Variants in ZNF407 observed in about 807,000 individuals in gnomAD.
The protein encoded by ZNF407 is zinc finger protein 407.
Under a neutral mutation model 131.2 loss-of-function variants are expected in ZNF407, and 17 were observed. That is an observed-to-expected ratio of 0.13 (90% CI 0.09 to 0.19). ZNF407 has a LOEUF of 0.19. Ranked by LOEUF, ZNF407 falls within the 10% of genes least tolerant of loss-of-function variation. The probability of loss-of-function intolerance (pLI) is 1.00; values close to 1 mark genes in which losing one functional copy is unlikely to be tolerated. For synonymous variants in ZNF407, 1,156 were observed against 1,062.0 expected (o/e 1.09, Z -1.72); for missense variants, 2,681 against 2,830.6 (o/e 0.95, Z 1.20).
chr18:74,714,239 G>C (rs1050195687), intron 3 of ZNF407, among the ~76,000 whole-genome samples: 1 of 152,146 alleles, frequency 6.6e-6, no homozygotes, highest in African/African-American at 2.4e-5. Flanking sequence ...AAATTAACTT[G>C]TCATACACCA....
rs1219383505 is a variant in ZNF407, at chr18:75,064,382, A to G, written c.6661A>G (p.Ser2221Gly). Residue 2221 changes from serine to glycine, a missense_variant, in exon 9 of 9, where the codon AGC (serine) becomes GGC (glycine). Ser to Gly is a moderately conservative substitution (Grantham distance 56, BLOSUM62 0). This residue lies in a region of ZNF407 where 620 missense variants were observed against 583.1 expected (regional missense o/e 1.06). Coordinates refer to ENST00000299687, the MANE Select transcript of ZNF407 (RefSeq NM_017757.3). ...GAPSRAEQLASVVIYTQEGSS... is the reference protein window; with the variant it reads ...GAPSRAEQLAGVVIYTQEGSS... ...CCCAAGCAGGGCAGAGCAGCTGGCC[A>G]GCGTGGTCATCTACACCCAGGAGGG... The G allele has an allele frequency of 6.4e-7, 1 of 1,570,594 alleles. No individual in the cohort carries two copies. Among genetic ancestry groups the G allele is most frequent in the African/African-American group, 1.4e-5 (1 of 73,988 alleles).
Position 74,619,489 on chromosome 18 carries a change from A to C in ZNF407, c.-53-11478A>C, listed in dbSNP as rs1031547332. ...GCTTTATCCTCTTGCCTTTTGAAAA[A>C]GATGAAAGGAAAATTTAAGGAACAT... On this transcript the variant is annotated intron_variant, in intron 1 of 8. Coordinates refer to ENST00000299687, the MANE Select transcript of ZNF407 (RefSeq NM_017757.3). Among the ~76,000 whole-genome samples, 294 of 152,294 alleles carry C rather than the reference A, an allele frequency of 1.9e-3. 1 individual carries two copies. Among genetic ancestry groups the C allele is most frequent in the Middle Eastern group, 0.017 (5 of 294 alleles).
At chr18:75,059,842 C>T (rs987060170) in intron 8 of ZNF407, among the ~76,000 whole-genome samples, 7 of 152,172 alleles carry the variant, frequency 4.6e-5, no homozygotes, top group African/African-American at 1.7e-4. Flanking sequence ...GGCCCCTGCC[C>T]GTGGGACCTG....
chr18:74,904,333 T>C (rs1461897784), intron 7 of ZNF407, among the ~76,000 whole-genome samples: 1 of 152,238 alleles, frequency 6.6e-6, no homozygotes, highest in Non-Finnish European at 1.5e-5. Context: ...ATACCAGCAA[T>C]GTATCAGTAT....
At chr18:75,027,965 A>C (rs1480234298) in intron 8 of ZNF407, among the ~76,000 whole-genome samples, 1 of 152,214 alleles carries the variant, frequency 6.6e-6, no homozygotes, top group Admixed American at 6.5e-5. Flanking sequence ...GTGCCGTGGC[A>C]ATGGTAATGT....
chr18:74,741,578 A>G (rs1968551118), intron 3 of ZNF407, among the ~76,000 whole-genome samples: 1 of 152,208 alleles, frequency 6.6e-6, no homozygotes, highest in Non-Finnish European at 1.5e-5. Flanking sequence ...AGATTAACCA[A>G]AAAAGAATAA....
intron 7 of ZNF407, among the ~76,000 whole-genome samples, chr18:74,917,321 A>G (rs948578909): frequency 1.3e-5 from 2 of 152,214 alleles, no homozygotes; most frequent in Non-Finnish European, 2.9e-5. Flanking sequence ...AATTACAAAT[A>G]TACATACACA....
intron 7 of ZNF407, among the ~76,000 whole-genome samples, chr18:74,901,667 A>G (rs1300793224): frequency 1.0e-5 from 1 of 96,116 alleles, no homozygotes; most frequent in Non-Finnish European, 2.1e-5. Flanking sequence ...CAATATCAGC[A>G]TATATATATT....
At chr18:74,933,836 G>A (rs1972010081) in intron 8 of ZNF407, among the ~76,000 whole-genome samples, 1 of 152,146 alleles carries the variant, frequency 6.6e-6, no homozygotes. Context: ...TCCATTTAAT[G>A]AGGCAAAATG....
intron 3 of ZNF407, among the ~76,000 whole-genome samples, chr18:74,670,198 C>T (rs1986087753): frequency 6.6e-6 from 1 of 152,136 alleles, no homozygotes; most frequent in Non-Finnish European, 1.5e-5. Context: ...AGATTTTTTC[C>T]AACACAAAGA....
chr18:74,964,657 T>A (rs572654293), intron 8 of ZNF407, among the ~76,000 whole-genome samples: 2 of 152,032 alleles, frequency 1.3e-5, no homozygotes, highest in Admixed American at 1.3e-4. Context: ...TTTTTCTTTT[T>A]CATTTCCTGG....
intron 3 of ZNF407, among the ~76,000 whole-genome samples, chr18:74,768,780 C>T (rs534283077): frequency 7.4e-4 from 113 of 152,184 alleles, no homozygotes; most frequent in African/African-American, 2.3e-3. Context: ...TTCAATAATC[C>T]GCATTAAACA....
At chr18:74,850,554 C>T (rs62089909) in intron 4 of ZNF407, among the ~76,000 whole-genome samples, 145 of 152,242 alleles carry the variant, frequency 9.5e-4, no homozygotes, top group Non-Finnish European at 1.7e-3. Context: ...ATGAATTCAA[C>T]GAATATTTTT....
intron 8 of ZNF407, among the ~76,000 whole-genome samples, chr18:75,051,449 A>G (rs187901762): frequency 3.0e-4 from 46 of 152,328 alleles, no homozygotes; most frequent in African/African-American, 1.1e-3. Flanking sequence ...ACTAAGTGAA[A>G]TAGATCATTG....
Position 74,722,055 on chromosome 18 carries a change from T to C in ZNF407, c.4803-59373T>C, listed in dbSNP as rs930222916. ...TGTTGCTTGTAGGATTTTCTCACTG[T>C]CTTTGTCTGTTTTTTTTTTCAGCAG... On this transcript the variant is annotated intron_variant, in intron 3 of 8. Transcript: ENST00000299687. 6.2e-4 allele frequency among the ~76,000 whole-genome samples: 94 copies of C among 150,926 alleles called. 1 individual carries two copies. Among genetic ancestry groups the C allele is most frequent in the East Asian group, 5.8e-4 (3 of 5,174 alleles).
At chr18:74,618,429 T>C (rs1394276901) in intron 1 of ZNF407, among the ~76,000 whole-genome samples, 1 of 152,202 alleles carries the variant, frequency 6.6e-6, no homozygotes, top group Admixed American at 6.5e-5. Flanking sequence ...TAGGTAACTT[T>C]CTTGGTGCAG....
At chr18:74,836,849 C>T (rs1299581567) in intron 4 of ZNF407, among the ~76,000 whole-genome samples, 1 of 152,184 alleles carries the variant, frequency 6.6e-6, no homozygotes, top group East Asian at 1.9e-4. Context: ...GAGTAACTTG[C>T]TCAGAGCCAC....
chr18:74,874,174 A>G (rs1310308008), intron 4 of ZNF407, among the ~76,000 whole-genome samples: 1 of 152,016 alleles, frequency 6.6e-6, no homozygotes, highest in African/African-American at 2.4e-5. Flanking sequence ...CTGGGCTTCA[A>G]TTTTCTGGGC....
intron 8 of ZNF407, among the ~76,000 whole-genome samples, chr18:74,983,525 T>C (rs905589194): frequency 5.9e-5 from 9 of 152,368 alleles, no homozygotes; most frequent in Admixed American, 5.2e-4. Context: ...AATTAGTGGC[T>C]AGTATTGTTG....
Sources: allele counts gnomAD v4.1 joint callset (sites outside exome capture counted in the v4.1 genomes callset), GRCh38; gene constraint gnomAD v4.1.1; regional missense constraint gnomAD v4.1.1; transcripts MANE v1.5; gene names NCBI Gene and HGNC (gene_info 2026-07-23, HGNC 2026-07-21).